Variants in MLXIP observed in about 807,000 individuals in gnomAD.
MLXIP encodes MLX interacting protein.
Under a neutral mutation model 87.2 loss-of-function variants are expected in MLXIP, and 30 were observed. That is an observed-to-expected ratio of 0.34 (90% CI 0.26 to 0.47). The LOEUF is 0.47. MLXIP is among the 20% of genes least tolerant of loss of function. The probability of loss-of-function intolerance (pLI) is 1.00; values close to 1 mark genes in which losing one functional copy is unlikely to be tolerated. For missense variants in MLXIP, 1,002 were observed against 1,240.1 expected (o/e 0.81, Z 2.88); for synonymous variants, 530 against 514.0 (o/e 1.03, Z -0.42).
At chr12:122,132,113 G>A (rs956849010) in intron 7 of MLXIP, among the ~76,000 whole-genome samples, 179 bp from the exon 8 acceptor site, 1 of 151,606 alleles carries the variant, frequency 6.6e-6, no homozygotes, top group Non-Finnish European at 1.5e-5. Context: ...TAGTAGAGAT[G>A]GAGTTTCACC....
At chr12:122,087,821 G>T (rs1007864793) in intron 1 of MLXIP, among the ~76,000 whole-genome samples, 1 of 152,176 alleles carries the variant, frequency 6.6e-6, no homozygotes, top group Non-Finnish European at 1.5e-5. Flanking sequence ...AGACTAGGAC[G>T]GTAGCAGCGA....
chr12:122,090,767 A>G (rs1952234591), intron 1 of MLXIP, among the ~76,000 whole-genome samples: 1 of 152,210 alleles, frequency 6.6e-6, no homozygotes, highest in Non-Finnish European at 1.5e-5. Flanking sequence ...TCCCAGAAAT[A>G]AAAAATATTG....
At position 122,129,153 on chromosome 12, in the gene MLXIP, G is replaced by A. The variant is rs1212235147; in HGVS notation, c.623G>A (p.Gly208Glu). 6.2e-7 allele frequency: 1 copy of A among 1,610,292 alleles called. No individual in the cohort carries two copies. Among genetic ancestry groups the A allele is most frequent in the South Asian group, 1.1e-5 (1 of 89,994 alleles). ...CTGTCCTAGGCCATCACCACGGAAG[G>A]GAAGTACTGGAAGAGCCGCATCGAG... The part of the protein sequence containing the change: ...HRRPEAITTE[G>E]KYWKSRIEIV... The change falls in exon 4 of 17, where the codon GGG becomes GAG. Residue 208 changes from glycine (G) to glutamate (E), a missense_variant. By Grantham distance (98) the Gly-to-Glu change is moderately conservative. This residue lies in a region of MLXIP where 127 missense variants were observed against 239.0 expected (regional missense o/e 0.53). Transcript: ENST00000319080.
In MLXIP at chr12:122,133,307, G is replaced by C. The variant is rs1403868816; in HGVS notation, c.1093-41G>C. The C allele has an allele frequency of 6.6e-7, 1 of 1,521,414 alleles. No homozygotes were observed. The highest frequency in any genetic ancestry group is 8.8e-7 in the Non-Finnish European group (1 of 1,136,204). 94.2% of individuals were successfully genotyped at this position (1,521,414 alleles called of 1,614,324 possible). On this transcript the variant is annotated intron_variant, in intron 8 of 16. Transcript: ENST00000319080. This position sits in a 1 kb window ranked among gnomAD's most constrained non-coding sequence, Gnocchi z 4.9. The stretch of plus-strand genomic sequence containing the variant: ...GTGCAGCGCTAGAAAGGAATTGTCT[G>C]ACCCCAGCATTGCTTCCTGGCTCCT...
intron 16 of MLXIP, 197 bp from the exon 17 acceptor site, chr12:122,141,494 T>C (rs1180157525): frequency 2.4e-6 from 1 of 418,054 alleles, no homozygotes; most frequent in East Asian, 1.6e-4. Context: ...GCTCCTGGAT[T>C]TGGGGAGGCT....
In MLXIP at chr12:122,078,858, C is replaced by G; in HGVS notation, c.5C>G (p.Ala2Gly). Residue 2 changes from alanine to glycine, a missense_variant, in exon 1 of 17, where the codon GCC (alanine) becomes GGC (glycine). By Grantham distance (60) the Ala-to-Gly change is moderately conservative. Around this residue, in one of 3 missense-constraint regions of MLXIP, gnomAD observed 129 missense variants for 104.2 expected, o/e 1.24. Coordinates refer to ENST00000319080, the MANE Select transcript of MLXIP (RefSeq NM_014938.6). The part of the protein sequence containing the change: M[A>G]ADVFMCSPRR... ...GCCCCCGGCCGAGCCCTTCTCATGG[C>G]CGCCGACGTCTTCATGTGCTCCCCG... is the stretch of plus-strand genomic sequence containing the variant. 9.2e-7 allele frequency: 1 copy of G among 1,090,066 alleles called. No homozygotes were observed. The highest frequency in any genetic ancestry group is 1.1e-6 in the Non-Finnish European group (1 of 896,236). The allele number at this position is 1,090,066 out of a possible 1,614,324, so 67.5% of individuals were successfully genotyped here.
At position 122,144,886 on chromosome 12, in the gene MLXIP, C is replaced by CA. The variant is rs1015498861; in HGVS notation, c.*3085dup. 4.4e-4 allele frequency: 63 copies of CA among 141,658 alleles called. No individual in the cohort carries two copies. Among genetic ancestry groups the CA allele is most frequent in the South Asian group, 6.7e-4 (3 of 4,448 alleles). 8.8% of individuals were successfully genotyped at this position (141,658 alleles called of 1,614,324 possible). ...TGGGTGACAGAGCAAAACCCTATCT[C>CA]AAAAAAAAAAAGAAGAAAAAAATAG... On this transcript the variant is annotated 3_prime_UTR_variant, in exon 17 of 17. Transcript: ENST00000319080.
chr12:122,137,422 G>A lies in MLXIP; in HGVS notation c.2033-47G>A, dbSNP rs768763594. 1.3e-5 allele frequency: 21 copies of A among 1,582,832 alleles called. No individual in the cohort carries two copies. The highest frequency in any genetic ancestry group is 4.1e-5 in the African/African-American group (3 of 73,792). Reference sequence around the variant, plus strand: ...AGACCCCAGGCTGCCTCCTGGTGGCGTTGAGGGGCCAGGCCTCCGCCCCTC... The same window carrying A: ...AGACCCCAGGCTGCCTCCTGGTGGCATTGAGGGGCCAGGCCTCCGCCCCTC... On this transcript the variant is annotated intron_variant, in intron 11 of 16. Coordinates refer to ENST00000319080, the MANE Select transcript of MLXIP (RefSeq NM_014938.6). This position sits in a 1 kb window ranked among gnomAD's most constrained non-coding sequence, Gnocchi z 4.1.
chr12:122,135,234 A>G lies in MLXIP; in HGVS notation c.1743A>G (p.Ser581=), dbSNP rs1480972763. Residue 581 remains serine (S), a synonymous_variant, in exon 10 of 17, where the codon TCA becomes TCG. Coordinates refer to ENST00000319080, the MANE Select transcript of MLXIP (RefSeq NM_014938.6). The surrounding 1 kb of genome is among the most constrained non-coding windows in gnomAD (Gnocchi z 5.3). The stretch of plus-strand genomic sequence containing the variant: ...TCCTTATCCTGGCAGCTGCCTTTTC[A>G]GGCCAACCACAAGCGGTGATCATGA... ...KNARIAPAAF[S]GQPQAVIMTS... The G allele has an allele frequency of 3.7e-6, 6 of 1,613,166 alleles. No homozygotes were observed. The highest frequency in any genetic ancestry group is 5.1e-6 in the Non-Finnish European group (6 of 1,179,732).
chr12:122,138,916 T>C lies in MLXIP; in HGVS notation c.2486T>C (p.Leu829Ser), dbSNP rs1953146194. Residue 829 changes from leucine (L) to serine (S), a missense_variant, in exon 15 of 17, where the codon TTG becomes TCG. Physicochemically the swap from Leu to Ser is moderately radical, Grantham distance 145. Coordinates refer to ENST00000319080, the MANE Select transcript of MLXIP (RefSeq NM_014938.6). ...GACGAATACGTGAAAACCCGGACCT[T>C]GCAGAATTGGAAGTTCTGGATTGTA... is the stretch of plus-strand genomic sequence containing the variant. ...MFDEYVKTRT[L>S]QNWKFWIFSI... The C allele has an allele frequency of 1.2e-6, 2 of 1,613,976 alleles. No individual in the cohort carries two copies. Among genetic ancestry groups the C allele is most frequent in the South Asian group, 1.1e-5 (1 of 91,092 alleles).
At position 122,097,692 on chromosome 12, in the gene MLXIP, C is replaced by T. The variant is rs185898903; in HGVS notation, c.413+18426C>T. ...AAGGCCGGTGTCCCCACACTGCCCA[C>T]CATCCCCCTGCTGTGTTCTTGCTGA... On this transcript the variant is annotated intron_variant, in intron 1 of 16. Coordinates refer to ENST00000319080, the MANE Select transcript of MLXIP (RefSeq NM_014938.6). Among the ~76,000 whole-genome samples the T allele has an allele frequency of 2.5e-3, 388 of 152,240 alleles. 3 individuals are homozygous for T. Among genetic ancestry groups the T allele is most frequent in the African/African-American group, 9.0e-3 (373 of 41,534 alleles).
intron 15 of MLXIP, 185 bp downstream of exon 15, chr12:122,139,123 G>C (rs773050337): frequency 2.0e-5 from 9 of 452,274 alleles, no homozygotes; most frequent in Non-Finnish European, 1.8e-5. Flanking sequence ...GTGGGCTGGA[G>C]GTGCTGATGG....
rs1953008196 is a variant in MLXIP at position 122,133,031 on chromosome 12, A to G, written c.1093-317A>G. On this transcript the variant is annotated intron_variant, in intron 8 of 16. Coordinates refer to ENST00000319080, the MANE Select transcript of MLXIP (RefSeq NM_014938.6). This position sits in a 1 kb window ranked among gnomAD's most constrained non-coding sequence, Gnocchi z 4.9. ...GCAATCCAGGCTGCCTCTGCTCAGT[A>G]ATAGAAGATGGCAGAGACTTTGGGG... 1 of 292,344 alleles carries G rather than the reference A, an allele frequency of 3.4e-6. No individual in the cohort carries two copies. The highest frequency in any genetic ancestry group is 1.1e-4 in the South Asian group (1 of 8,848). 18.1% of individuals were successfully genotyped at this position (292,344 alleles called of 1,614,324 possible).
chr12:122,088,536 A>T (rs1952200627), intron 1 of MLXIP, among the ~76,000 whole-genome samples: 1 of 152,168 alleles, frequency 6.6e-6, no homozygotes, highest in Non-Finnish European at 1.5e-5. Flanking sequence ...AGTGGTGAGG[A>T]GGAAAGGCTG....
chr12:122,132,051 G>A (rs1474678100), intron 7 of MLXIP, among the ~76,000 whole-genome samples: 1 of 151,104 alleles, frequency 6.6e-6, no homozygotes, highest in Non-Finnish European at 1.5e-5. Flanking sequence ...AGCCTCCTGA[G>A]TAGCTGGGAC....
At position 122,130,012 on chromosome 12, in the gene MLXIP, C is replaced by T. The variant is rs1952949051; in HGVS notation, c.810C>T (p.Pro270=). The part of the protein sequence containing the change: ...WKTPVPMEED[P]LLDTDMLMSE... Reference sequence around the variant, plus strand: ...CCCCCGTCCCCATGGAGGAGGATCCCCTGCTGGACACAGACATGCTCATGT... The same window carrying T: ...CCCCCGTCCCCATGGAGGAGGATCCTCTGCTGGACACAGACATGCTCATGT... The change falls in exon 6 of 17, where the codon CCC becomes CCT. Residue 270 remains proline, a synonymous_variant. Coordinates refer to ENST00000319080, the MANE Select transcript of MLXIP (RefSeq NM_014938.6). 1 of 1,614,032 alleles carries T rather than the reference C, an allele frequency of 6.2e-7. No individual in the cohort carries two copies. The highest frequency in any genetic ancestry group is 1.3e-5 in the African/African-American group (1 of 75,056).
chr12:122,081,674 G>A (rs971765340), intron 1 of MLXIP, among the ~76,000 whole-genome samples: 6 of 152,020 alleles, frequency 3.9e-5, no homozygotes, highest in Admixed American at 1.3e-4. Context: ...GAAAAAGAAA[G>A]AAAGAAAAAA....
chr12:122,141,619 G>C (rs1035677034), intron 16 of MLXIP, 72 bp from the exon 17 acceptor site: 6 of 1,573,372 alleles, frequency 3.8e-6, no homozygotes, highest in South Asian at 1.2e-5. Context: ...ATGGGTTGTA[G>C]GTACAAAGCC....
chr12:122,118,024 A>G (rs1040221913), intron 1 of MLXIP, among the ~76,000 whole-genome samples: 2 of 152,230 alleles, frequency 1.3e-5, no homozygotes, highest in African/African-American at 4.8e-5. Context: ...AATTGCCAGC[A>G]TCACTACTCT....
Sources: gnomAD v4.1 joint callset for allele counts (sites outside exome capture counted in the v4.1 genomes callset) on GRCh38, gnomAD v4.1.1 for gene constraint, gnomAD v4.1.1 regional missense constraint, Gnocchi (gnomAD v3.1) non-coding constraint, MANE v1.5 for transcripts, NCBI Gene and HGNC (gene_info 2026-07-23, HGNC 2026-07-21) for gene names.